Variants in IGF1R observed in about 807,000 individuals in gnomAD.
IGF1R encodes the protein insulin like growth factor 1 receptor.
IGF1R carries 44 observed loss-of-function variants against 144.6 expected under a neutral mutation model. The ratio of observed to expected loss-of-function variants is 0.30; its 90% CI spans 0.24 to 0.39. The LOEUF is 0.39. Among genes scored for constraint, IGF1R ranks in the 10% least tolerant of loss-of-function variants. The probability of loss-of-function intolerance (pLI) is 1.00; values close to 1 mark genes in which losing one functional copy is unlikely to be tolerated. For synonymous variants in IGF1R, 795 were observed against 722.8 expected, an observed-to-expected ratio of 1.10 and a Z score of -1.60; for missense variants, 1,355 against 1,833.7, an observed-to-expected ratio of 0.74 and a Z score of 4.77.
At chr15:98,789,269 CT>C (rs1567130133) in intron 2 of IGF1R, among the ~76,000 whole-genome samples, 7 of 152,144 alleles carry the variant, frequency 4.6e-5, no homozygotes, top group African/African-American at 1.7e-4. Flanking sequence ...ACACATTGTT[CT>C]AGGCTTCTAC....
intron 3 of IGF1R, among the ~76,000 whole-genome samples, chr15:98,895,063 T>C (rs533777601): frequency 4.0e-5 from 6 of 150,254 alleles, no homozygotes; most frequent in Non-Finnish European, 5.9e-5. Context: ...GAAAACAGAT[T>C]AGTGGTTGCC....
Position 98,686,989 on chromosome 15 carries a change from A to G in IGF1R, c.95-20573A>G, listed in dbSNP as rs557606552. 2.0e-4 allele frequency among the ~76,000 whole-genome samples: 31 copies of G among 152,238 alleles called. 1 individual carries two copies. The highest frequency in any genetic ancestry group is 6.0e-4 in the African/African-American group (25 of 41,564). Reference sequence around the variant, plus strand: ...CTGGCTTATTTAAATTTTTATGGGTATGAATTCACTTAAAAGCTGAAGGTT... The same window carrying G: ...CTGGCTTATTTAAATTTTTATGGGTGTGAATTCACTTAAAAGCTGAAGGTT... On this transcript the variant is annotated intron_variant, in intron 1 of 20. Coordinates refer to ENST00000650285, the MANE Select transcript of IGF1R (RefSeq NM_000875.5).
At chr15:98,906,055 C>T (rs1180950521) in intron 5 of IGF1R, among the ~76,000 whole-genome samples, 7 of 152,200 alleles carry the variant, frequency 4.6e-5, no homozygotes, top group Non-Finnish European at 8.8e-5. Flanking sequence ...TCCTGGCTCC[C>T]AGCCTCTTCA....
At chr15:98,705,989 G>A (rs1369814835) in intron 1 of IGF1R, among the ~76,000 whole-genome samples, 3 of 152,308 alleles carry the variant, frequency 2.0e-5, no homozygotes, top group South Asian at 2.1e-4. Context: ...GATATTTACC[G>A]AGCTTTAAAT....
chr15:98,778,272 T>A (rs1184955857), intron 2 of IGF1R, among the ~76,000 whole-genome samples: 1 of 152,202 alleles, frequency 6.6e-6, no homozygotes, highest in African/African-American at 2.4e-5. Context: ...TGAGAAGCTT[T>A]GAGGCATGTT....
intron 9 of IGF1R, 86 bp from the exon 10 acceptor site, chr15:98,916,586 A>C: frequency 2.6e-6 from 3 of 1,146,528 alleles, no homozygotes; most frequent in Non-Finnish European, 4.0e-6. Context: ...TCTTGATTAA[A>C]GGTACTGAGA....
chr15:98,936,993 C>T (rs1055178475), intron 17 of IGF1R, among the ~76,000 whole-genome samples: 2 of 152,206 alleles, frequency 1.3e-5, no homozygotes, highest in Non-Finnish European at 2.9e-5. Flanking sequence ...TCAAGCGATT[C>T]TCCTGCCTCA....
chr15:98,870,654 G>C (rs973300481), intron 2 of IGF1R, among the ~76,000 whole-genome samples: 1 of 152,188 alleles, frequency 6.6e-6, no homozygotes, highest in Non-Finnish European at 1.5e-5. Flanking sequence ...TACTGTCAGC[G>C]CTTCTGTGTT....
chr15:98,666,250 C>T (rs181371394), intron 1 of IGF1R, among the ~76,000 whole-genome samples: 2 of 152,104 alleles, frequency 1.3e-5, no homozygotes, highest in East Asian at 3.9e-4. Flanking sequence ...GATGTTGGAA[C>T]CCTTGTGCCT....
At chr15:98,865,538 G>C (rs1213841768) in intron 2 of IGF1R, among the ~76,000 whole-genome samples, 1 of 152,176 alleles carries the variant, frequency 6.6e-6, no homozygotes, top group East Asian at 1.9e-4. Flanking sequence ...GCTGGGCTTC[G>C]GCATGTGCTA....
At chr15:98,949,238 G>A (rs923318507) in intron 20 of IGF1R, among the ~76,000 whole-genome samples, 1 of 152,142 alleles carries the variant, frequency 6.6e-6, no homozygotes, top group Non-Finnish European at 1.5e-5. Flanking sequence ...TCTGTTAAGT[G>A]TTTACAAAAG....
rs148782003 is a variant in IGF1R, at chr15:98,909,025, T to A, written c.1462+126T>A. The A allele has an allele frequency of 1.1e-4, 85 of 795,504 alleles. No individual in the cohort carries two copies. The East Asian group carries it at 2.2e-3, about 21-fold the overall frequency. 49.3% of individuals were successfully genotyped at this position (795,504 alleles called of 1,614,324 possible). A position where few individuals can be genotyped will look rare whatever the true frequency, so the allele number is the denominator to read the frequency against. On this transcript the variant is annotated intron_variant, in intron 6 of 20. Transcript: ENST00000650285. ...TTTCACATGGGGGACCACTAGACCATCTTAACTAGCACTTTGCTCCTACTT... is the reference window on the plus strand; with the variant it reads ...TTTCACATGGGGGACCACTAGACCAACTTAACTAGCACTTTGCTCCTACTT...
chr15:98,949,133 C>T (rs970871493), intron 20 of IGF1R, among the ~76,000 whole-genome samples: 2 of 152,190 alleles, frequency 1.3e-5, no homozygotes, highest in African/African-American at 2.4e-5. Context: ...AGGGAGCCGC[C>T]GCAGTGAGTG....
intron 2 of IGF1R, among the ~76,000 whole-genome samples, chr15:98,889,495 G>A (rs1392168529): frequency 6.6e-6 from 1 of 152,184 alleles, no homozygotes; most frequent in African/African-American, 2.4e-5. Context: ...ATAATAAAAA[G>A]TAAAGAAAAT....
chr15:98,737,981 A>C (rs1468130442), intron 2 of IGF1R, among the ~76,000 whole-genome samples: 1 of 152,056 alleles, frequency 6.6e-6, no homozygotes, highest in African/African-American at 2.4e-5. Flanking sequence ...CTTGTGTATG[A>C]AGGTCTGCTG....
chr15:98,791,770 C>T (rs2056132340), intron 2 of IGF1R, among the ~76,000 whole-genome samples: 1 of 152,208 alleles, frequency 6.6e-6, no homozygotes, highest in Non-Finnish European at 1.5e-5. Context: ...AATGCATAAT[C>T]ATTCTTTGTG....
chr15:98,665,529 G>A (rs1052949174), intron 1 of IGF1R, among the ~76,000 whole-genome samples: 1 of 152,178 alleles, frequency 6.6e-6, no homozygotes, highest in African/African-American at 2.4e-5. Context: ...CATGTGGCCT[G>A]GGGAAGAGCC....
intron 2 of IGF1R, among the ~76,000 whole-genome samples, chr15:98,876,929 G>A (rs527476461): frequency 3.9e-5 from 6 of 152,226 alleles, no homozygotes; most frequent in Admixed American, 1.3e-4. Flanking sequence ...AACTTCAGGA[G>A]ATAGGGCCAG....
At chr15:98,792,824 A>G (rs146709913) in intron 2 of IGF1R, among the ~76,000 whole-genome samples, 159 of 152,314 alleles carry the variant, frequency 1.0e-3, no homozygotes, top group African/African-American at 3.6e-3. Context: ...TTTTGGTTCA[A>G]TAAGAGTTGA....
Sources: allele counts gnomAD v4.1 joint callset (sites outside exome capture counted in the v4.1 genomes callset), GRCh38; gene constraint gnomAD v4.1.1; transcripts MANE v1.5; gene names NCBI Gene and HGNC (gene_info 2026-07-23, HGNC 2026-07-21).